Variants in MTHFD2L observed in about 807,000 individuals in gnomAD.
MTHFD2L encodes the protein methylenetetrahydrofolate dehydrogenase (NADP+ dependent) 2 like.
MTHFD2L carries 29 observed loss-of-function variants against 34.9 expected under a neutral mutation model. That is an observed-to-expected ratio of 0.83 (90% CI 0.62 to 1.13). MTHFD2L has a LOEUF of 1.13. MTHFD2L is among the 50% of genes most tolerant of loss of function. The probability of loss-of-function intolerance (pLI) is 0.00; values close to 1 mark genes in which losing one functional copy is unlikely to be tolerated. For missense variants in MTHFD2L, 481 were observed against 446.5 expected (o/e 1.08, Z -0.70); for synonymous variants, 167 against 155.7 (o/e 1.07, Z -0.54).
intron 6 of MTHFD2L, among the ~76,000 whole-genome samples, chr4:74,257,003 A>G (rs1261255128): frequency 6.6e-6 from 1 of 152,132 alleles, no homozygotes; most frequent in East Asian, 1.9e-4. Flanking sequence ...AAAAGATGAC[A>G]TTGGTAGTTT....
chr4:74,292,000 A>G (rs1041699911), intron 7 of MTHFD2L, among the ~76,000 whole-genome samples: 1 of 152,196 alleles, frequency 6.6e-6, no homozygotes, highest in Non-Finnish European at 1.5e-5. Context: ...CCCAGAGGTA[A>G]CTTGTTCCAA....
chr4:74,160,108 C>T (rs1262611377), intron 1 of MTHFD2L: 2 of 1,287,844 alleles, frequency 1.6e-6, no homozygotes, highest in Non-Finnish European at 1.0e-6. Flanking sequence ...GTCTGCCTCC[C>T]CACTTGTCCC....
intron 6 of MTHFD2L, among the ~76,000 whole-genome samples, chr4:74,231,292 C>T (rs1011268519): frequency 2.6e-5 from 4 of 152,124 alleles, no homozygotes; most frequent in African/African-American, 7.2e-5. Flanking sequence ...ATAGGGTTTT[C>T]CCCCGGGTGT....
At chr4:74,137,385 T>A (rs1360535589) in intron 1 of MTHFD2L, among the ~76,000 whole-genome samples, 1 of 152,138 alleles carries the variant, frequency 6.6e-6, no homozygotes, top group Non-Finnish European at 1.5e-5. Context: ...GTACTATATA[T>A]CAGAGAAATG....
At chr4:74,205,242 T>C (rs1055829140) in intron 5 of MTHFD2L, among the ~76,000 whole-genome samples, 1 of 152,188 alleles carries the variant, frequency 6.6e-6, no homozygotes, top group African/African-American at 2.4e-5. Context: ...GTGGGAAAGT[T>C]AATATTTCAA....
chr4:74,169,845 A>T (rs990089159), intron 1 of MTHFD2L, among the ~76,000 whole-genome samples: 1 of 152,224 alleles, frequency 6.6e-6, no homozygotes, highest in Admixed American at 6.5e-5. Flanking sequence ...AAAACCTCAA[A>T]AGTTTTATTT....
At chr4:74,280,974 C>T (rs1298987194) in intron 6 of MTHFD2L, among the ~76,000 whole-genome samples, 1 of 151,560 alleles carries the variant, frequency 6.6e-6, no homozygotes, top group African/African-American at 2.4e-5. Context: ...TTTCTTTCCC[C>T]CTCCCTTCCT....
rs534684617 is a variant in MTHFD2L at position 74,201,826 on chromosome 4, T to A, written c.712+456T>A. Reference sequence around the variant, plus strand: ...TAGGTTAAACAAATAGTCATTGTCCTATGAGTAGTAGTGACACTCCAAGTC... The same window carrying A: ...TAGGTTAAACAAATAGTCATTGTCCAATGAGTAGTAGTGACACTCCAAGTC... On this transcript the variant is annotated intron_variant, in intron 5 of 7. Coordinates refer to ENST00000325278, the MANE Select transcript of MTHFD2L (RefSeq NM_001144978.3). Among the ~76,000 whole-genome samples the A allele has an allele frequency of 2.6e-5, 4 of 152,320 alleles. No individual in the cohort carries two copies. In the East Asian group the frequency reaches 5.8e-4, roughly 22 times the overall value.
At chr4:74,185,703 A>T (rs1196228494) in intron 3 of MTHFD2L, among the ~76,000 whole-genome samples, 1 of 152,198 alleles carries the variant, frequency 6.6e-6, no homozygotes, top group Non-Finnish European at 1.5e-5. Flanking sequence ...CTTGAAAGAT[A>T]TACATTACCA....
At chr4:74,157,770 G>A, upstream of MTHFD2L, 1 of 483,232 alleles carries the variant, frequency 2.1e-6, no homozygotes, top group Non-Finnish European at 4.1e-6. Flanking sequence ...CTCTGGCTTG[G>A]TGGAAAGTGG....
intron 5 of MTHFD2L, among the ~76,000 whole-genome samples, chr4:74,223,198 CTAGA>C (rs1402018128): frequency 6.6e-6 from 1 of 151,746 alleles, no homozygotes; most frequent in Non-Finnish European, 1.5e-5. Flanking sequence ...TAATGGTAGA[CTAGA>C]TAAAGAAAAT....
At chr4:74,143,583 T>C (rs1016561340) in intron 1 of MTHFD2L, 2 of 265,576 alleles carry the variant, frequency 7.5e-6, no homozygotes, top group Admixed American at 6.5e-5. Context: ...CTACTTTCCT[T>C]TTATACATTT....
intron 1 of MTHFD2L, among the ~76,000 whole-genome samples, chr4:74,128,195 TCTTTA>T (rs1450980130): frequency 6.6e-6 from 1 of 152,116 alleles, no homozygotes; most frequent in Non-Finnish European, 1.5e-5. Flanking sequence ...CCATTCTGTC[TCTTTA>T]CTTTGGTGAT....
chr4:74,197,797 T>C (rs1733745707), intron 3 of MTHFD2L, among the ~76,000 whole-genome samples: 1 of 152,150 alleles, frequency 6.6e-6, no homozygotes, highest in African/African-American at 2.4e-5. Context: ...AATATAATCA[T>C]TGTAAAGCAC....
chr4:74,152,430 T>C (rs1688085949), intron 1 of MTHFD2L, among the ~76,000 whole-genome samples: 1 of 152,184 alleles, frequency 6.6e-6, no homozygotes. Context: ...TGTAAAGTTG[T>C]TTATATTTTT....
At chr4:74,281,077 C>T (rs559313065) in intron 6 of MTHFD2L, among the ~76,000 whole-genome samples, 2 of 152,016 alleles carry the variant, frequency 1.3e-5, no homozygotes, top group South Asian at 4.2e-4. Context: ...CACTCCACCA[C>T]ACCTCAGCAG....
intron 3 of MTHFD2L, among the ~76,000 whole-genome samples, chr4:74,198,313 A>T (rs1179713810): frequency 6.6e-6 from 1 of 152,178 alleles, no homozygotes; most frequent in South Asian, 2.1e-4. Flanking sequence ...AGATGGCAAC[A>T]TACAGTGTAA....
chr4:74,120,888 A>T (rs1354326311), upstream of MTHFD2L, among the ~76,000 whole-genome samples: 1 of 152,238 alleles, frequency 6.6e-6, no homozygotes, highest in African/African-American at 2.4e-5. Flanking sequence ...AGAATGGGTT[A>T]AAAAACTTGC....
intron 6 of MTHFD2L, among the ~76,000 whole-genome samples, chr4:74,262,652 G>A (rs1190062286): frequency 6.6e-6 from 1 of 151,838 alleles, no homozygotes; most frequent in African/African-American, 2.4e-5. Context: ...TCAGACAATT[G>A]CAAATTAAAG....
Sources: gnomAD v4.1 joint callset for allele counts (sites outside exome capture counted in the v4.1 genomes callset) on GRCh38, gnomAD v4.1.1 for gene constraint, MANE v1.5 for transcripts, NCBI Gene and HGNC (gene_info 2026-07-23, HGNC 2026-07-21) for gene names.